PEX3: variants seen among roughly 807,000 people sequenced by gnomAD.
PEX3 encodes the protein peroxisomal biogenesis factor 3.
Under a neutral mutation model 55.8 loss-of-function variants are expected in PEX3, and 30 were observed. The observed-to-expected ratio is 0.54, with a 90% CI of 0.40 to 0.73. The LOEUF is 0.73. Among genes scored for constraint, PEX3 ranks in the 30% least tolerant of loss-of-function variants. PEX3 has a pLI of 0.00. For synonymous variants in PEX3, 135 were observed against 148.4 expected (o/e 0.91, Z 0.66); for missense variants, 351 against 432.8 (o/e 0.81, Z 1.68).
At chr6:143,460,852 G>C (rs1779908172) in intron 2 of PEX3, among the ~76,000 whole-genome samples, 2 of 134,322 alleles carry the variant, frequency 1.5e-5, no homozygotes, top group Admixed American at 7.9e-5. Context: ...CAACAAGAGT[G>C]AAACTCTGTC....
At chr6:143,478,861 A>G (rs1780189187) in intron 9 of PEX3, among the ~76,000 whole-genome samples, 1 of 152,138 alleles carries the variant, frequency 6.6e-6, no homozygotes, top group Non-Finnish European at 1.5e-5. Flanking sequence ...GCTGACTAGT[A>G]TAAAAAATCT....
At position 143,471,068 on chromosome 6, in the gene PEX3, G is replaced by A. The variant is rs747647646; in HGVS notation, c.439G>A (p.Val147Ile). ...ATATATTTACCTGGATAATGCAGCA[G>A]TTGGCAAAAATGGCACTGTAAGTTT... ...GGYIYLDNAA[V>I]GKNGTTILAP... Residue 147 changes from valine (V) to isoleucine (I), a missense_variant, in exon 5 of 12, where the codon GTT becomes ATT. Coordinates refer to ENST00000367591, the MANE Select transcript of PEX3 (RefSeq NM_003630.3). This position sits in a 1 kb window ranked among gnomAD's most constrained non-coding sequence, Gnocchi z 5.4. The A allele has an allele frequency of 3.7e-6, 6 of 1,613,530 alleles. No homozygotes were observed. In the South Asian group the frequency reaches 5.5e-5, roughly 15 times the overall value.
intron 10 of PEX3, among the ~76,000 whole-genome samples, chr6:143,480,326 A>G (rs931070304): frequency 3.3e-5 from 5 of 152,206 alleles, no homozygotes; most frequent in African/African-American, 4.8e-5. Context: ...GCAAGTAGTG[A>G]TACATAATTG....
intron 8 of PEX3, among the ~76,000 whole-genome samples, chr6:143,473,468 C>T (rs930868027): frequency 1.3e-5 from 2 of 151,960 alleles, no homozygotes; most frequent in African/African-American, 2.4e-5. Context: ...AACAAAAGAA[C>T]AGATGAAGAG....
In PEX3 at chr6:143,453,351, T is replaced by A. The variant is rs1562649353; in HGVS notation, c.73+2236T>A. Among the ~76,000 whole-genome samples, 1 of 152,060 alleles carries A rather than the reference T, an allele frequency of 6.6e-6. No homozygotes were observed. The highest frequency in any genetic ancestry group is 1.9e-4 in the East Asian group (1 of 5,190). ...GCAGAGAAGTTTGGGCATTCAATAG[T>A]GGGGGAAGTAAGTAAGTAAAACCTT... On this transcript the variant is annotated intron_variant, in intron 1 of 11. Transcript: ENST00000367591. This position sits in a 1 kb window ranked among gnomAD's most constrained non-coding sequence, Gnocchi z 4.6.
Position 143,451,490 on chromosome 6 carries a change from T to C in PEX3, c.73+375T>C, listed in dbSNP as rs771800667. 1.3e-5 allele frequency among the ~76,000 whole-genome samples: 2 copies of C among 152,208 alleles called. No homozygotes were observed. Among genetic ancestry groups the C allele is most frequent in the African/African-American group, 2.4e-5 (1 of 41,446 alleles). On this transcript the variant is annotated intron_variant, in intron 1 of 11. Coordinates refer to ENST00000367591, the MANE Select transcript of PEX3 (RefSeq NM_003630.3). The surrounding 1 kb of genome is among the most constrained non-coding windows in gnomAD (Gnocchi z 4.1). ...TTTCTCCTTGGCACTCTTGATACTT[T>C]GGCTCTCACCCTTCTCAGGAGTTTA...
rs181371203 is a variant in PEX3, at chr6:143,460,136, C to T, written c.205+920C>T. On this transcript the variant is annotated intron_variant, in intron 2 of 11. Coordinates refer to ENST00000367591, the MANE Select transcript of PEX3 (RefSeq NM_003630.3). ...AAACAATTTATAAAGGTACATTCTC[C>T]TTATTTAATTTTAAAATTAGAAATT... Among the ~76,000 whole-genome samples the T allele has an allele frequency of 6.6e-5, 10 of 152,184 alleles. No homozygotes were observed. In the East Asian group the frequency reaches 1.9e-3, roughly 29 times the overall value.
In PEX3 at chr6:143,489,051, C is replaced by G. The variant is rs1780353141; in HGVS notation, c.1039-92C>G. On this transcript the variant is annotated intron_variant, in intron 11 of 11. Coordinates refer to ENST00000367591, the MANE Select transcript of PEX3 (RefSeq NM_003630.3). The surrounding 1 kb of genome is among the most constrained non-coding windows in gnomAD (Gnocchi z 5.5). Reference sequence around the variant, plus strand: ...TTGCCTCTTGGCCTTTACCACAAAACTTAGAGCTGAATTCATCGCTTGATT... The same window carrying G: ...TTGCCTCTTGGCCTTTACCACAAAAGTTAGAGCTGAATTCATCGCTTGATT... 5 of 874,318 alleles carry G rather than the reference C, an allele frequency of 5.7e-6. No homozygotes were observed. The highest frequency in any genetic ancestry group is 2.5e-4 in the Middle Eastern group (1 of 3,938). The allele number at this position is 874,318 out of a possible 1,614,324, so 54.2% of individuals were successfully genotyped here.
chr6:143,459,322 A>T lies in PEX3; in HGVS notation c.205+106A>T, dbSNP rs28647304. The T allele has an allele frequency of 2.1e-6, 2 of 939,958 alleles. No homozygotes were observed. Among genetic ancestry groups the T allele is most frequent in the Non-Finnish European group, 3.5e-6 (2 of 575,956 alleles). 58.2% of individuals were successfully genotyped at this position (939,958 alleles called of 1,614,324 possible). On this transcript the variant is annotated intron_variant, in intron 2 of 11. Transcript: ENST00000367591. The surrounding 1 kb of genome is among the most constrained non-coding windows in gnomAD (Gnocchi z 4.2). ...AGGAAAAGGCAAAGAAAAGATGGTA[A>T]ATCTAGCAAGTGTTTGAATGATTTA...
rs983719624 is a variant in PEX3, at chr6:143,451,238, A to G, written c.73+123A>G. ...ATATGTAGAGGGAGTTCGATCAACC[A>G]TGGGATGAAAAGGGAGGTGGCCAAC... On this transcript the variant is annotated intron_variant, in intron 1 of 11. Coordinates refer to ENST00000367591, the MANE Select transcript of PEX3 (RefSeq NM_003630.3). This position sits in a 1 kb window ranked among gnomAD's most constrained non-coding sequence, Gnocchi z 4.1. The G allele has an allele frequency of 7.7e-6, 6 of 783,658 alleles. No individual in the cohort carries two copies. The highest frequency in any genetic ancestry group is 1.7e-5 in the African/African-American group (1 of 59,002). The allele number at this position is 783,658 out of a possible 1,614,324, so 48.5% of individuals were successfully genotyped here.
Position 143,483,412 on chromosome 6 carries a change from T to G in PEX3, c.942-1740T>G, listed in dbSNP as rs1051567327. Among the ~76,000 whole-genome samples the G allele has an allele frequency of 5.9e-5, 9 of 152,160 alleles. No individual in the cohort carries two copies. The highest frequency in any genetic ancestry group is 1.9e-4 in the East Asian group (1 of 5,198). Reference sequence around the variant, plus strand: ...AGGAAATAATTTGAACTACTAAGATTGGAAGCTATTAAATATGACCCTAGA... The same window carrying G: ...AGGAAATAATTTGAACTACTAAGATGGGAAGCTATTAAATATGACCCTAGA... On this transcript the variant is annotated intron_variant, in intron 10 of 11. Coordinates refer to ENST00000367591, the MANE Select transcript of PEX3 (RefSeq NM_003630.3). The surrounding 1 kb of genome is among the most constrained non-coding windows in gnomAD (Gnocchi z 4.3).
Position 143,463,026 on chromosome 6 carries a change from T to G in PEX3, c.287+29T>G. ...AATGCAAGTTACAGCATTTTCTGTT[T>G]AAGCACTACACTTAAAGTTTATAGA... On this transcript the variant is annotated intron_variant, in intron 3 of 11. Coordinates refer to ENST00000367591, the MANE Select transcript of PEX3 (RefSeq NM_003630.3). The surrounding 1 kb of genome is among the most constrained non-coding windows in gnomAD (Gnocchi z 5.7). The G allele has an allele frequency of 6.8e-7, 1 of 1,467,054 alleles. No homozygotes were observed. The highest frequency in any genetic ancestry group is 9.6e-7 in the Non-Finnish European group (1 of 1,045,766). The allele number at this position is 1,467,054 out of a possible 1,614,324, so 90.9% of individuals were successfully genotyped here. A position where few individuals can be genotyped will look rare whatever the true frequency, so the allele number is the denominator to read the frequency against.
In PEX3 at chr6:143,453,819, C is replaced by T. The variant is rs997167904; in HGVS notation, c.73+2704C>T. 6.6e-6 allele frequency among the ~76,000 whole-genome samples: 1 copy of T among 152,100 alleles called. No homozygotes were observed. Among genetic ancestry groups the T allele is most frequent in the African/African-American group, 2.4e-5 (1 of 41,406 alleles). On this transcript the variant is annotated intron_variant, in intron 1 of 11. Transcript: ENST00000367591. The surrounding 1 kb of genome is among the most constrained non-coding windows in gnomAD (Gnocchi z 4.6). ...TCTTGAACTCCTGGCCTCAAGCAAT[C>T]GTCCTGCCTCAGCCTCCTAAAGTGC... is the stretch of plus-strand genomic sequence containing the variant.
Position 143,479,057 on chromosome 6 carries a change from T to C in PEX3, c.819-19T>C. 1 of 1,501,240 alleles carries C rather than the reference T, an allele frequency of 6.7e-7. No homozygotes were observed. Among genetic ancestry groups the C allele is most frequent in the Non-Finnish European group, 9.3e-7 (1 of 1,078,040 alleles). The allele number at this position is 1,501,240 out of a possible 1,614,324, so 93.0% of individuals were successfully genotyped here. A position where few individuals can be genotyped will look rare whatever the true frequency, so the allele number is the denominator to read the frequency against. On this transcript the variant is annotated intron_variant, in intron 9 of 11. Transcript: ENST00000367591. The surrounding 1 kb of genome is among the most constrained non-coding windows in gnomAD (Gnocchi z 4.6). The stretch of plus-strand genomic sequence containing the variant: ...CATTCAGAGTCTAAAAAGTAACTTA[T>C]ACTTCTTACTTTATATAGCCCAGAT...
intron 1 of PEX3, among the ~76,000 whole-genome samples, chr6:143,457,327 G>C (rs762371931): frequency 3.3e-5 from 5 of 152,128 alleles, no homozygotes; most frequent in Non-Finnish European, 5.9e-5. Flanking sequence ...TAGCCATGTA[G>C]CCACTTATAT....
At position 143,468,129 on chromosome 6, in the gene PEX3, A is replaced by G. The variant is rs1459736299; in HGVS notation, c.295A>G (p.Asn99Asp). The G allele has an allele frequency of 1.9e-6, 3 of 1,569,626 alleles. No individual in the cohort carries two copies. Among genetic ancestry groups the G allele is most frequent in the Non-Finnish European group, 2.6e-6 (3 of 1,141,526 alleles). The change falls in exon 4 of 12, where the codon AAC becomes GAC. Residue 99 changes from asparagine to aspartate, a missense_variant. Physicochemically the swap from Asn to Asp is conservative, Grantham distance 23. Coordinates refer to ENST00000367591, the MANE Select transcript of PEX3 (RefSeq NM_003630.3). The part of the protein sequence containing the change: ...LTALLKNRPS[N>D]KLEIWEDLKI... ...TTAAATTTTGTTCTTTAGGCCTTCA[A>G]ACAAGCTAGAAATATGGGAGGATCT...
At position 143,462,887 on chromosome 6, in the gene PEX3, C is replaced by T. The variant is rs781489231; in HGVS notation, c.206-29C>T. The T allele has an allele frequency of 1.3e-6, 2 of 1,498,664 alleles. No homozygotes were observed. Among genetic ancestry groups the T allele is most frequent in the Non-Finnish European group, 1.8e-6 (2 of 1,113,716 alleles). 92.8% of individuals were successfully genotyped at this position (1,498,664 alleles called of 1,614,324 possible). On this transcript the variant is annotated intron_variant, in intron 2 of 11. Coordinates refer to ENST00000367591, the MANE Select transcript of PEX3 (RefSeq NM_003630.3). The surrounding 1 kb of genome is among the most constrained non-coding windows in gnomAD (Gnocchi z 4.1). ...TGAGGGCAGTCATATCACTTGTGAC[C>T]TTTTTTATTTTTTTTGTTTGTATTA...
intron 4 of PEX3, among the ~76,000 whole-genome samples, chr6:143,470,048 C>T (rs1780049507): frequency 6.6e-6 from 1 of 152,074 alleles, no homozygotes; most frequent in Non-Finnish European, 1.5e-5. Context: ...CTCCTGGGTT[C>T]AAGCGATTCT....
At chr6:143,473,327 A>G (rs957903807) in intron 8 of PEX3, among the ~76,000 whole-genome samples, 1 of 152,232 alleles carries the variant, frequency 6.6e-6, no homozygotes, top group Non-Finnish European at 1.5e-5. Flanking sequence ...AACAGATGGA[A>G]CAGAATTAAT....
Sources: gnomAD v4.1 joint callset for allele counts (sites outside exome capture counted in the v4.1 genomes callset) on GRCh38, gnomAD v4.1.1 for gene constraint, Gnocchi (gnomAD v3.1) non-coding constraint, MANE v1.5 for transcripts, NCBI Gene and HGNC (gene_info 2026-07-23, HGNC 2026-07-21) for gene names.